NCBP1: variants seen among roughly 807,000 people sequenced by gnomAD.
NCBP1 encodes nuclear cap-binding protein subunit 1.
Under a neutral mutation model 111.7 loss-of-function variants are expected in NCBP1, and 16 were observed. The observed-to-expected ratio is 0.14, with a 90% CI of 0.10 to 0.22. The LOEUF is 0.22. Among genes scored for constraint, NCBP1 ranks in the 10% least tolerant of loss-of-function variants. The pLI, the probability that NCBP1 is intolerant of heterozygous loss-of-function variation, is 1.00. For missense variants in NCBP1, 607 were observed against 957.5 expected (o/e 0.63, Z 4.83); for synonymous variants, 304 against 314.3 (o/e 0.97, Z 0.35).
chr9:97,644,214 C>T (rs1044147954), intron 4 of NCBP1, among the ~76,000 whole-genome samples: 1 of 152,048 alleles, frequency 6.6e-6, no homozygotes, highest in Admixed American at 6.5e-5. Flanking sequence ...GTTTGGACAC[C>T]CATCAGGCTA....
chr9:97,668,746 C>G, intron 20 of NCBP1, 100 bp from the exon 21 acceptor site: 1 of 1,336,682 alleles, frequency 7.5e-7, no homozygotes, highest in Non-Finnish European at 1.0e-6. Flanking sequence ...GAATATAAGT[C>G]TTAACATTTG....
At chr9:97,669,766 A>T in intron 22 of NCBP1, 60 bp downstream of exon 22, 2 of 1,235,056 alleles carry the variant, frequency 1.6e-6, no homozygotes, top group Non-Finnish European at 2.4e-6. Context: ...ATTTTTCATT[A>T]AAAAAAATCC....
chr9:97,671,421 A>G lies in NCBP1; in HGVS notation c.*222A>G. 1 of 449,968 alleles carries G rather than the reference A, an allele frequency of 2.2e-6. No homozygotes were observed. Among genetic ancestry groups the G allele is most frequent in the Non-Finnish European group, 4.0e-6 (1 of 251,068 alleles). 27.9% of individuals were successfully genotyped at this position (449,968 alleles called of 1,614,324 possible). On this transcript the variant is annotated 3_prime_UTR_variant, in exon 23 of 23. Transcript: ENST00000375147. ...TGACTATGACCATGATATATTATAT[A>G]TGTGACAGATACAAATTCTCTGTGA... is the stretch of plus-strand genomic sequence containing the variant.
chr9:97,657,037 C>T (rs555811258), intron 14 of NCBP1, among the ~76,000 whole-genome samples: 21 of 152,278 alleles, frequency 1.4e-4, no homozygotes, highest in African/African-American at 4.3e-4. Context: ...GGCACGATCT[C>T]GGCTCACTGC....
intron 22 of NCBP1, 57 bp downstream of exon 22, chr9:97,669,763 A>G: frequency 8.0e-7 from 1 of 1,253,774 alleles, no homozygotes; most frequent in Non-Finnish European, 1.2e-6. Flanking sequence ...AAGATTTTTC[A>G]TTAAAAAAAA....
rs1828201367 is a variant in NCBP1, at chr9:97,671,809, A to G, written c.*610A>G. 6.6e-6 allele frequency: 1 copy of G among 152,220 alleles called. No homozygotes were observed. Among genetic ancestry groups the G allele is most frequent in the African/African-American group, 2.4e-5 (1 of 41,458 alleles). 9.4% of individuals were successfully genotyped at this position (152,220 alleles called of 1,614,324 possible). ...AAGAGTAGCTCTCAAATTTGTCTTA[A>G]TGTAAATCACCTGGGAATCTTTCAA... On this transcript the variant is annotated 3_prime_UTR_variant, in exon 23 of 23. Coordinates refer to ENST00000375147, the MANE Select transcript of NCBP1 (RefSeq NM_002486.5).
In NCBP1 at chr9:97,664,475, C is replaced by T. The variant is rs199801802; in HGVS notation, c.1901+32C>T. On this transcript the variant is annotated intron_variant, in intron 19 of 22. Coordinates refer to ENST00000375147, the MANE Select transcript of NCBP1 (RefSeq NM_002486.5). Reference sequence around the variant, plus strand: ...TAAATTATTTTATGAAACTTGTGTTCCCTAAGAATTGATATATGTGTGGTC... The same window carrying T: ...TAAATTATTTTATGAAACTTGTGTTTCCTAAGAATTGATATATGTGTGGTC... 161 of 1,439,958 alleles carry T rather than the reference C, an allele frequency of 1.1e-4. 3 individuals carry two copies. In the East Asian group the frequency reaches 3.5e-3, roughly 31 times the overall value. The allele number at this position is 1,439,958 out of a possible 1,614,324, so 89.2% of individuals were successfully genotyped here.
At chr9:97,660,141 T>A (rs1328347545) in intron 15 of NCBP1, among the ~76,000 whole-genome samples, 1 of 152,246 alleles carries the variant, frequency 6.6e-6, no homozygotes, top group Admixed American at 6.5e-5. Flanking sequence ...GATTCTGTTT[T>A]TCTTCGCCTT....
chr9:97,671,281 T>C lies in NCBP1; in HGVS notation c.*82T>C, dbSNP rs1459876705. 7 of 973,850 alleles carry C rather than the reference T, an allele frequency of 7.2e-6. No homozygotes were observed. Among genetic ancestry groups the C allele is most frequent in the Non-Finnish European group, 1.1e-5 (7 of 638,036 alleles). The allele number at this position is 973,850 out of a possible 1,614,324, so 60.3% of individuals were successfully genotyped here. A position where few individuals can be genotyped will look rare whatever the true frequency, so the allele number is the denominator to read the frequency against. On this transcript the variant is annotated 3_prime_UTR_variant, in exon 23 of 23. Transcript: ENST00000375147. ...ATTTTTTGATGGTTTGAATGCTTGC[T>C]TTCTTGTAGTATCCTTTCACTTCTT...
rs549223716 is a variant in NCBP1, at chr9:97,671,293, T to C, written c.*94T>C. The C allele has an allele frequency of 3.6e-5, 31 of 868,592 alleles. No homozygotes were observed. In the Admixed American group the frequency reaches 8.1e-4, roughly 23 times the overall value. 53.8% of individuals were successfully genotyped at this position (868,592 alleles called of 1,614,324 possible). A position where few individuals can be genotyped will look rare whatever the true frequency, so the allele number is the denominator to read the frequency against. On this transcript the variant is annotated 3_prime_UTR_variant, in exon 23 of 23. Coordinates refer to ENST00000375147, the MANE Select transcript of NCBP1 (RefSeq NM_002486.5). ...TTTGAATGCTTGCTTTCTTGTAGTA[T>C]CCTTTCACTTCTTAAAGGAAACAAA...
intron 1 of NCBP1, among the ~76,000 whole-genome samples, chr9:97,640,233 G>T (rs768704836): frequency 6.6e-6 from 1 of 152,210 alleles, no homozygotes; most frequent in African/African-American, 2.4e-5. Context: ...AATGTTTTAT[G>T]CTCCTTTTTC....
chr9:97,654,622 C>T (rs958505955), intron 11 of NCBP1, among the ~76,000 whole-genome samples: 3 of 151,116 alleles, frequency 2.0e-5, no homozygotes, highest in East Asian at 3.9e-4. Context: ...TATGCCTGTG[C>T]GTATGGAGGG....
chr9:97,670,349 A>T (rs1459627548), intron 22 of NCBP1, among the ~76,000 whole-genome samples: 1 of 152,192 alleles, frequency 6.6e-6, no homozygotes, highest in Non-Finnish European at 1.5e-5. Flanking sequence ...CAGGTGGTAA[A>T]CTGTCCACAG....
chr9:97,647,412 T>A (rs1827373146), intron 6 of NCBP1, 80 bp from the exon 7 acceptor site: 1 of 1,106,264 alleles, frequency 9.0e-7, no homozygotes, highest in Non-Finnish European at 1.4e-6. Context: ...TGCTTTAATT[T>A]GCATTTTAAT....
chr9:97,662,185 T>A, intron 17 of NCBP1, 41 bp downstream of exon 17: 1 of 1,471,628 alleles, frequency 6.8e-7, no homozygotes, highest in South Asian at 1.1e-5. Flanking sequence ...GTTTGGAATT[T>A]TGCTTGGTGA....
chr9:97,669,566 C>T (rs749088252), intron 21 of NCBP1, 27 bp from the exon 22 acceptor site: 2 of 1,485,308 alleles, frequency 1.3e-6, no homozygotes, highest in Admixed American at 1.7e-5. Context: ...GTCTGTAGTA[C>T]TACCTTAACT....
intron 2 of NCBP1, among the ~76,000 whole-genome samples, chr9:97,641,265 T>G (rs1040909459): frequency 1.3e-5 from 2 of 152,092 alleles, no homozygotes. Context: ...TATCATAGAC[T>G]GCTTAGTTTT....
At position 97,658,130 on chromosome 9, in the gene NCBP1, T is replaced by C. The variant is rs899168524; in HGVS notation, c.1374-510T>C. ...TGGGCACTTGATATGCTCATTGCCA[T>C]TGGGGTGTCATTGGTTCTAAGCCTC... is the stretch of plus-strand genomic sequence containing the variant. On this transcript the variant is annotated intron_variant, in intron 14 of 22. Coordinates refer to ENST00000375147, the MANE Select transcript of NCBP1 (RefSeq NM_002486.5). 1.1e-4 allele frequency among the ~76,000 whole-genome samples: 16 copies of C among 152,006 alleles called. 1 individual carries two copies. The South Asian group carries it at 1.5e-3, about 14-fold the overall frequency.
chr9:97,634,043 A>G, intron 1 of NCBP1, 128 bp downstream of exon 1: 1 of 1,194,358 alleles, frequency 8.4e-7, no homozygotes, highest in Non-Finnish European at 1.1e-6. Context: ...GCGGAGGGAA[A>G]GAGGAGAATA....
Sources: allele counts gnomAD v4.1 joint callset (sites outside exome capture counted in the v4.1 genomes callset), GRCh38; gene constraint gnomAD v4.1.1; transcripts MANE v1.5; gene names NCBI Gene and HGNC (gene_info 2026-07-23, HGNC 2026-07-21).